The following SULT2A1 variants were observed in gnomAD, a reference collection of about 807,000 sequenced individuals.
SULT2A1 encodes the protein sulfotransferase family 2A member 1, also known as sulfotransferase 2A1.
In SULT2A1, 43 loss-of-function variants were observed where a neutral mutation model predicts 33.9. That is an observed-to-expected ratio of 1.27 (90% CI 1.00 to 1.64). SULT2A1 has a LOEUF of 1.64. Ranked by LOEUF, SULT2A1 falls within the 40% of genes most tolerant of loss-of-function variation. The probability of loss-of-function intolerance (pLI) is 0.00; values close to 1 mark genes in which losing one functional copy is unlikely to be tolerated. For missense variants in SULT2A1, 300 were observed against 335.1 expected, an observed-to-expected ratio of 0.90 and a Z score of 0.82; for synonymous variants, 125 against 113.6, an observed-to-expected ratio of 1.10 and a Z score of -0.64.
At chr19:47,873,978 T>A (rs1968518103) in intron 5 of SULT2A1, among the ~76,000 whole-genome samples, 1 of 151,938 alleles carries the variant, frequency 6.6e-6, no homozygotes, top group Non-Finnish European at 1.5e-5. Context: ...ACTGTGGCCA[T>A]CCCCAACCCC....
rs1465965519 is a variant in SULT2A1, at chr19:47,871,579, A to C, written c.746-12T>G. 10 of 1,586,018 alleles carry C rather than the reference A, an allele frequency of 6.3e-6. No individual in the cohort carries two copies. The highest frequency in any genetic ancestry group is 8.7e-6 in the Non-Finnish European group (10 of 1,154,604). ...GTCCCCAGATACACCTGGAAACAAG[A>C]AGCAGAAACTCAGGTCAGACCACAC... On this transcript the variant is annotated splice_polypyrimidine_tract_variant and intron_variant, in intron 5 of 5. Coordinates refer to ENST00000222002, the MANE Select transcript of SULT2A1 (RefSeq NM_003167.4).
chr19:47,881,152 C>T (rs1330070927), intron 3 of SULT2A1, among the ~76,000 whole-genome samples: 2 of 152,076 alleles, frequency 1.3e-5, no homozygotes, highest in African/African-American at 4.8e-5. Context: ...TCTCGTGCCT[C>T]AGCCTCCTGA....
In SULT2A1 at chr19:47,882,223, A is replaced by C; in HGVS notation, c.346-13T>G. The C allele has an allele frequency of 6.2e-7, 1 of 1,605,040 alleles. No individual in the cohort carries two copies. Among genetic ancestry groups the C allele is most frequent in the Non-Finnish European group, 8.5e-7 (1 of 1,175,930 alleles). ...TGAGATAAATCACCTTAAATGGAAA[A>C]ACGGGAGAATGAAAAATCAATACAG... On this transcript the variant is annotated splice_polypyrimidine_tract_variant and intron_variant, in intron 2 of 5. Transcript: ENST00000222002.
intron 1 of SULT2A1, 52 bp from the exon 2 acceptor site, chr19:47,883,837 G>T: frequency 6.5e-7 from 1 of 1,538,470 alleles, no homozygotes; most frequent in Non-Finnish European, 8.9e-7. Context: ...AGCCGGACAT[G>T]GTGGCTCACG....
chr19:47,883,691 C>G lies in SULT2A1; in HGVS notation c.231G>C (p.Trp77Cys), dbSNP rs1173056628. The G allele has an allele frequency of 6.2e-7, 1 of 1,613,960 alleles. No individual in the cohort carries two copies. The highest frequency in any genetic ancestry group is 1.3e-5 in the African/African-American group (1 of 74,894). ...CTGTATACCCAATCTCACTCTCTAC[C>G]CAGGGTGATCGCTCCCAGATGGGCA... ...QSVPIWERSP[W>C]VESEIGYTAL... The change falls in exon 2 of 6, where the codon TGG becomes TGC. Residue 77 changes from tryptophan (W) to cysteine (C), a missense_variant. By Grantham distance (215) the Trp-to-Cys change is radical (BLOSUM62 -2). Transcript: ENST00000222002.
In SULT2A1 at chr19:47,882,176, A is replaced by G; in HGVS notation, c.380T>C (p.Leu127Ser). ...IYLMRNPRDV[L>S]VSGYFFWKNM... The stretch of plus-strand genomic sequence containing the variant: ...TTTCCAGAAAAAATAACCAGACACC[A>G]AAACATCTCTGGGATTTCTCATGAG... The change falls in exon 3 of 6, where the codon TTG (leucine) becomes TCG (serine). Residue 127 changes from leucine to serine, a missense_variant. Physicochemically the swap from Leu to Ser is moderately radical, Grantham distance 145. Transcript: ENST00000222002. 6.2e-7 allele frequency: 1 copy of G among 1,613,994 alleles called. No homozygotes were observed. The highest frequency in any genetic ancestry group is 8.5e-7 in the Non-Finnish European group (1 of 1,179,942).
At chr19:47,873,955 G>A (rs1264513155) in intron 5 of SULT2A1, among the ~76,000 whole-genome samples, 1 of 151,954 alleles carries the variant, frequency 6.6e-6, no homozygotes, top group East Asian at 1.9e-4. Flanking sequence ...TAACTCACCA[G>A]TGGGGCAGCT....
chr19:47,884,191 A>G (rs944845782), intron 1 of SULT2A1, among the ~76,000 whole-genome samples: 9 of 127,014 alleles, frequency 7.1e-5, no homozygotes, highest in Admixed American at 6.1e-4. Context: ...ATTTATTTTG[A>G]GACAGAGTCT....
At chr19:47,873,463 G>A (rs774559988) in intron 5 of SULT2A1, among the ~76,000 whole-genome samples, 1 of 151,258 alleles carries the variant, frequency 6.6e-6, no homozygotes, top group African/African-American at 2.4e-5. Context: ...GAGCCACCAC[G>A]CCTGGCCCTG....
At chr19:47,872,263 T>C (rs529298195) in intron 5 of SULT2A1, among the ~76,000 whole-genome samples, 1 of 152,310 alleles carries the variant, frequency 6.6e-6, no homozygotes, top group African/African-American at 2.4e-5. Context: ...AGTCTCAGCA[T>C]GGCAGCCCTC....
chr19:47,885,620 C>T (rs527996718), intron 1 of SULT2A1, among the ~76,000 whole-genome samples: 1 of 152,132 alleles, frequency 6.6e-6, no homozygotes, highest in African/African-American at 2.4e-5. Flanking sequence ...TCACCGCATC[C>T]GCAGTGCTCT....
intron 4 of SULT2A1, among the ~76,000 whole-genome samples, chr19:47,876,516 T>C (rs1414798119): frequency 6.6e-6 from 1 of 152,152 alleles, no homozygotes; most frequent in African/African-American, 2.4e-5. Flanking sequence ...ATCGTGTATC[T>C]GAGGTAGCCA....
In SULT2A1 at chr19:47,882,377, A is replaced by G. The variant is rs62530963; in HGVS notation, c.346-167T>C. On this transcript the variant is annotated intron_variant, in intron 2 of 5. Coordinates refer to ENST00000222002, the MANE Select transcript of SULT2A1 (RefSeq NM_003167.4). ...CTCACTAATCAAATTTGATGTGCCT[A>G]TGAAGTAGTCACTGCACTAGGAATA... Among the ~76,000 whole-genome samples, 29 of 152,278 alleles carry G rather than the reference A, an allele frequency of 1.9e-4. No individual in the cohort carries two copies. In the East Asian group the frequency reaches 5.4e-3, roughly 28 times the overall value.
At chr19:47,875,506 C>T (rs905366583) in intron 4 of SULT2A1, among the ~76,000 whole-genome samples, 1 of 151,516 alleles carries the variant, frequency 6.6e-6, no homozygotes, top group Non-Finnish European at 1.5e-5. Context: ...GGCATGGTGG[C>T]GCACAGCTGT....
intron 2 of SULT2A1, among the ~76,000 whole-genome samples, chr19:47,882,926 T>C (rs1968616763): frequency 2.6e-5 from 4 of 151,792 alleles, no homozygotes; most frequent in African/African-American, 7.3e-5. Context: ...AAAATAATAA[T>C]AATAATAATA....
At chr19:47,878,215 G>A (rs754887196) in intron 4 of SULT2A1, among the ~76,000 whole-genome samples, 10 of 152,012 alleles carry the variant, frequency 6.6e-5, no homozygotes, top group South Asian at 2.1e-4. Flanking sequence ...TTGCTCTGCT[G>A]CCCCAGGCTG....
At chr19:47,885,703 G>T (rs1026421194) in intron 1 of SULT2A1, among the ~76,000 whole-genome samples, 2 of 152,120 alleles carry the variant, frequency 1.3e-5, no homozygotes, top group African/African-American at 4.8e-5. Context: ...AGATTGCCTG[G>T]CTCTTTTGTG....
intron 5 of SULT2A1, 116 bp downstream of exon 5, chr19:47,874,541 G>GAAAAAA (rs386389152): frequency 2.4e-4 from 82 of 345,146 alleles, no homozygotes; most frequent in African/African-American, 1.3e-3. Context: ...CTTCATCTCG[G>GAAAAAA]AAAAAAAAAA....
At chr19:47,874,870 A>G in intron 4 of SULT2A1, 36 bp from the exon 5 acceptor site, 1 of 1,595,316 alleles carries the variant, frequency 6.3e-7, no homozygotes, top group Non-Finnish European at 8.6e-7. Context: ...GATACGAAAG[A>G]GAAAGACAAG....
Sources: gnomAD v4.1 joint callset for allele counts (sites outside exome capture counted in the v4.1 genomes callset) on GRCh38, gnomAD v4.1.1 for gene constraint, MANE v1.5 for transcripts, NCBI Gene and HGNC (gene_info 2026-07-23, HGNC 2026-07-21) for gene names.